Variants in ALOX15B observed in about 807,000 individuals in gnomAD.
The protein encoded by ALOX15B is polyunsaturated fatty acid lipoxygenase ALOX15B.
In ALOX15B, 74 loss-of-function variants were observed where a neutral mutation model predicts 73.8. The observed-to-expected ratio is 1.00, with a 90% CI of 0.83 to 1.22. The LOEUF is 1.22. ALOX15B is among the 50% of genes most tolerant of loss of function. The probability of loss-of-function intolerance (pLI) is 0.00; values close to 1 mark genes in which losing one functional copy is unlikely to be tolerated. For synonymous variants in ALOX15B, 353 were observed against 357.2 expected (o/e 0.99, Z 0.13); for missense variants, 896 against 859.9 (o/e 1.04, Z -0.52).
In ALOX15B at chr17:8,045,618, C is replaced by A; in HGVS notation, c.1132C>A (p.His378Asn). The change falls in exon 8 of 14, where the codon CAT becomes AAT. Residue 378 changes from histidine to asparagine, a missense_variant. Coordinates refer to ENST00000380183, the MANE Select transcript of ALOX15B (RefSeq NM_001141.3). ...GGCCCTCACGCACCTGCTGCACTCA[C>A]ATCTGCTGCCTGAGGTCTTCACCCT... ...HEALTHLLHS[H>N]LLPEVFTLAT... 1 of 1,614,246 alleles carries A rather than the reference C, an allele frequency of 6.2e-7. No homozygotes were observed. Among genetic ancestry groups the A allele is most frequent in the Non-Finnish European group, 8.5e-7 (1 of 1,180,038 alleles).
At chr17:8,046,593 G>C (rs1005551987) in intron 8 of ALOX15B, 75 bp from the exon 9 acceptor site, 2 of 1,458,232 alleles carry the variant, frequency 1.4e-6, no homozygotes, top group Non-Finnish European at 1.9e-6. Flanking sequence ...TGCAGGGCTG[G>C]TGCCTGTGTG....
chr17:8,039,339 G>T (rs1976361905), intron 1 of ALOX15B, 37 bp downstream of exon 1: 1 of 1,591,054 alleles, frequency 6.3e-7, no homozygotes, highest in Non-Finnish European at 8.6e-7. Context: ...GAGGTGAAGG[G>T]GGCGAGCAGG....
rs1041149530 is a variant in ALOX15B at position 8,045,654 on chromosome 17, C to T, written c.1168C>T (p.Arg390Cys). ...LPEVFTLATL[R>C]QLPHCHPLFK... ...TGAGGTCTTCACCCTGGCTACCCTG[C>T]GTCAGCTGCCCCACTGCCACCCTCT... Residue 390 changes from arginine to cysteine, a missense_variant, in exon 8 of 14, where the codon CGT becomes TGT. By Grantham distance (180) the Arg-to-Cys change is radical. Transcript: ENST00000380183. The T allele has an allele frequency of 8.1e-6, 13 of 1,613,940 alleles. No individual in the cohort carries two copies. The East Asian group carries it at 2.2e-4, about 28-fold the overall frequency.
Position 8,047,005 on chromosome 17 carries a change from C to T in ALOX15B, c.1386C>T (p.Thr462=), listed in dbSNP as rs1976627641. The part of the protein sequence containing the change: ...SLLCLPEDIR[T]RGVEDIPGYY... ...TGTGTCTGCCTGAGGATATCCGGAC[C>T]CGAGGAGTTGAAGACATCCCAGGCT... Residue 462 remains threonine (T), a synonymous_variant, in exon 10 of 14, where the codon ACC becomes ACT. Coordinates refer to ENST00000380183, the MANE Select transcript of ALOX15B (RefSeq NM_001141.3). The T allele has an allele frequency of 6.2e-7, 1 of 1,613,928 alleles. No homozygotes were observed. The highest frequency in any genetic ancestry group is 8.5e-7 in the Non-Finnish European group (1 of 1,180,012).
rs766797717 is a variant in ALOX15B at position 8,044,043 on chromosome 17, C to T, written c.677-786C>T. 5.5e-5 allele frequency among the ~76,000 whole-genome samples: 8 copies of T among 146,206 alleles called. 1 individual carries two copies. Among genetic ancestry groups the T allele is most frequent in the African/African-American group, 1.5e-4 (6 of 39,068 alleles). ...AAGATAGCCCCACTGCATTCCAGCC[C>T]GGGCAAGAGAGTCAGACCCTGTAAA... is the stretch of plus-strand genomic sequence containing the variant. On this transcript the variant is annotated intron_variant, in intron 5 of 13. Coordinates refer to ENST00000380183, the MANE Select transcript of ALOX15B (RefSeq NM_001141.3).
rs73245812 is a variant in ALOX15B at position 8,046,621 on chromosome 17, A to G, written c.1201-47A>G. On this transcript the variant is annotated intron_variant, in intron 8 of 13. Coordinates refer to ENST00000380183, the MANE Select transcript of ALOX15B (RefSeq NM_001141.3). ...CCTGTGTGGGGGAAGGTCTGGGGCC[A>G]GAACAACCCAGGCCTCCCCTAGCTC... 1.5e-5 allele frequency: 23 copies of G among 1,579,734 alleles called. No homozygotes were observed. The Admixed American group carries it at 3.8e-4, about 26-fold the overall frequency.
rs749072236 is a variant in ALOX15B at position 8,046,713 on chromosome 17, G to A, written c.1246G>A (p.Ala416Thr). Reference protein sequence around the residue: ...TRYTLHINTLARELLIVPGQV... With the variant: ...TRYTLHINTLTRELLIVPGQV... ...ATACACCCTGCACATCAACACACTC[G>A]CCCGGGAGCTGCTTATCGTGCCAGG... Residue 416 changes from alanine (A) to threonine (T), a missense_variant, in exon 9 of 14, where the codon GCC becomes ACC. Physicochemically the swap from Ala to Thr is moderately conservative, Grantham distance 58. Coordinates refer to ENST00000380183, the MANE Select transcript of ALOX15B (RefSeq NM_001141.3). 4.3e-6 allele frequency: 7 copies of A among 1,613,710 alleles called. No individual in the cohort carries two copies. The highest frequency in any genetic ancestry group is 1.3e-5 in the African/African-American group (1 of 75,016).
At chr17:8,040,628 A>AAAGAAAGAAAGG (rs1248178943) in intron 3 of ALOX15B, among the ~76,000 whole-genome samples, 3 of 130,032 alleles carry the variant, frequency 2.3e-5, no homozygotes, top group Non-Finnish European at 5.4e-5. Flanking sequence ...AGAAAGAAAG[A>AAAGAAAGAAAGG]AAGAAAGAAA....
At chr17:8,047,497 C>A in intron 11 of ALOX15B, 67 bp from the exon 12 acceptor site, 1 of 1,571,470 alleles carries the variant, frequency 6.4e-7, no homozygotes. Context: ...CAAGGCTCAC[C>A]CTCAAGCCTC....
chr17:8,042,677 G>C (rs1976493569), intron 4 of ALOX15B, 104 bp from the exon 5 acceptor site: 1 of 1,341,374 alleles, frequency 7.5e-7, no homozygotes, highest in Non-Finnish European at 1.0e-6. Context: ...GACTACCTTG[G>C]GCCCGGAGGC....
At chr17:8,039,649 G>T in intron 2 of ALOX15B, 44 bp downstream of exon 2, 2 of 1,180,930 alleles carry the variant, frequency 1.7e-6, no homozygotes, top group East Asian at 2.6e-5. Flanking sequence ...AGCACAGGAA[G>T]GGGTAGGGGA....
chr17:8,039,321 A>G lies in ALOX15B; in HGVS notation c.147+19A>G. 1 of 1,587,196 alleles carries G rather than the reference A, an allele frequency of 6.3e-7. No homozygotes were observed. The highest frequency in any genetic ancestry group is 8.6e-7 in the Non-Finnish European group (1 of 1,164,396). Reference sequence around the variant, plus strand: ...GGGCGCTGTGAGTGCGTGGGAGTGGATGGGGTGGAGGTGAAGGGGGCGAGC... The same window carrying G: ...GGGCGCTGTGAGTGCGTGGGAGTGGGTGGGGTGGAGGTGAAGGGGGCGAGC... On this transcript the variant is annotated intron_variant, in intron 1 of 13. Coordinates refer to ENST00000380183, the MANE Select transcript of ALOX15B (RefSeq NM_001141.3).
intron 8 of ALOX15B, among the ~76,000 whole-genome samples, chr17:8,046,453 C>T (rs971914115): frequency 1.1e-4 from 17 of 152,220 alleles, no homozygotes; most frequent in African/African-American, 4.1e-4. Context: ...CAACCTGAGG[C>T]TCAGGGAGAG....
chr17:8,045,485 C>T lies in ALOX15B; in HGVS notation c.999C>T (p.Leu333=). Residue 333 remains leucine, a splice_region_variant and synonymous_variant, in exon 8 of 14, where the codon CTC becomes CTT. Coordinates refer to ENST00000380183, the MANE Select transcript of ALOX15B (RefSeq NM_001141.3). Reference sequence around the variant, plus strand: ...TCTCCCCACCTGCCTCCCCCCAGCTCAGCCAGACCCCCGGCCCAAACAGCC... The same window carrying T: ...TCTCCCCACCTGCCTCCCCCCAGCTTAGCCAGACCCCCGGCCCAAACAGCC... ...CGPLLPLAIQ[L]SQTPGPNSPI... is the part of the protein sequence containing the mutation. 1.2e-6 allele frequency: 2 copies of T among 1,614,140 alleles called. No individual in the cohort carries two copies. The highest frequency in any genetic ancestry group is 1.7e-6 in the Non-Finnish European group (2 of 1,180,036).
intron 3 of ALOX15B, among the ~76,000 whole-genome samples, chr17:8,040,609 A>G (rs531392150): frequency 2.6e-5 from 3 of 116,536 alleles, no homozygotes; most frequent in South Asian, 2.9e-4. Flanking sequence ...GAGAGAAAGA[A>G]AGAAAGAAAG....
Position 8,042,854 on chromosome 17 carries a change from A to G in ALOX15B, c.646A>G (p.Ile216Val). 1 of 1,555,248 alleles carries G rather than the reference A, an allele frequency of 6.4e-7. No homozygotes were observed. Among genetic ancestry groups the G allele is most frequent in the Non-Finnish European group, 8.7e-7 (1 of 1,148,970 alleles). ...GAGGAGTCTGAATGAGATGAAAAGG[A>G]TCTTCAACTTCCGGAGGACCCCAGC... Reference protein sequence around the residue: ...LWRSLNEMKRIFNFRRTPAAE... With the variant: ...LWRSLNEMKRVFNFRRTPAAE... The change falls in exon 5 of 14, where the codon ATC (isoleucine) becomes GTC (valine). Residue 216 changes from isoleucine (I) to valine (V), a missense_variant. By Grantham distance (29) the Ile-to-Val change is conservative. Transcript: ENST00000380183.
intron 8 of ALOX15B, 22 bp downstream of exon 8, chr17:8,045,708 C>T (rs931807448): frequency 1.4e-5 from 23 of 1,610,026 alleles, no homozygotes; most frequent in Non-Finnish European, 1.9e-5. Flanking sequence ...GACAAGGTGG[C>T]CCAGCCTGTG....
In ALOX15B at chr17:8,039,454, GC is replaced by G; in HGVS notation, c.221del (p.Pro74GlnfsTer21). Reference protein sequence around the residue: ...RVLLLRVHKAPPVLPLLGPLA... With the variant: ...RVLLLRVHKAXPVLPLLGPLA... ...TGCTGCTGCTGCGCGTGCACAAGGC[GC>G]CCCCAGTGCTGCCCCTGCTGGGGCC... On this transcript the variant is annotated frameshift_variant, in exon 2 of 14. Coordinates refer to ENST00000380183, the MANE Select transcript of ALOX15B (RefSeq NM_001141.3). LOFTEE classifies it high-confidence loss of function. 6.2e-7 allele frequency: 1 copy of G among 1,607,310 alleles called. No individual in the cohort carries two copies. The highest frequency in any genetic ancestry group is 8.5e-7 in the Non-Finnish European group (1 of 1,177,738).
At position 8,042,763 on chromosome 17, in the gene ALOX15B, C is replaced by A. The variant is rs918170790; in HGVS notation, c.573-18C>A. On this transcript the variant is annotated intron_variant, in intron 4 of 13. Transcript: ENST00000380183. ...CAGGGCCTCCTCCCCACTCCCCACC[C>A]CTCACATCCCCTGGCAGTTTTGCAG... 22 of 1,548,668 alleles carry A rather than the reference C, an allele frequency of 1.4e-5. No homozygotes were observed. The highest frequency in any genetic ancestry group is 5.5e-5 in the African/African-American group (4 of 73,192).
Sources: allele counts gnomAD v4.1 joint callset (sites outside exome capture counted in the v4.1 genomes callset), GRCh38; gene constraint gnomAD v4.1.1; transcripts MANE v1.5; gene names NCBI Gene and HGNC (gene_info 2026-07-23, HGNC 2026-07-21).